VWA8: variants seen among roughly 807,000 people sequenced by gnomAD.
The protein encoded by VWA8 is von Willebrand factor A domain containing 8, also known as von Willebrand factor A domain-containing protein 8.
In VWA8, 221 loss-of-function variants were observed where a neutral mutation model predicts 241.5. That is an observed-to-expected ratio of 0.91 (90% CI 0.82 to 1.02). The LOEUF is 1.02. Among genes scored for constraint, VWA8 ranks in the 50% least tolerant of loss-of-function variants. The pLI, the probability that VWA8 is intolerant of heterozygous loss-of-function variation, is 0.00. For missense variants in VWA8, 2,322 were observed against 2,328.7 expected (o/e 1.00, Z 0.06); for synonymous variants, 852 against 827.1 (o/e 1.03, Z -0.52).
intron 14 of VWA8, among the ~76,000 whole-genome samples, chr13:41,824,733 G>C (rs531690420): frequency 6.6e-6 from 1 of 151,942 alleles, no homozygotes; most frequent in African/African-American, 2.4e-5. Context: ...CAAAAGGAAA[G>C]CTTGAGCCCA....
chr13:41,812,403 G>A (rs1398021969), intron 16 of VWA8, among the ~76,000 whole-genome samples: 4 of 152,080 alleles, frequency 2.6e-5, no homozygotes, highest in African/African-American at 9.7e-5. Flanking sequence ...TGAAGCAACT[G>A]GACCTTTGGG....
At chr13:41,875,989 G>A (rs1349050693) in intron 9 of VWA8, among the ~76,000 whole-genome samples, 2 of 151,944 alleles carry the variant, frequency 1.3e-5, no homozygotes, top group Non-Finnish European at 2.9e-5. Flanking sequence ...ACGTTTCTCA[G>A]TCCAAAAGCT....
chr13:41,937,766 A>T (rs1877418297), intron 2 of VWA8, among the ~76,000 whole-genome samples: 1 of 152,240 alleles, frequency 6.6e-6, no homozygotes, highest in African/African-American at 2.4e-5. Context: ...ATAACTGTAT[A>T]TACAGTTTTT....
intron 19 of VWA8, 116 bp from the exon 20 acceptor site, chr13:41,778,172 A>G: frequency 3.4e-6 from 2 of 586,894 alleles, no homozygotes; most frequent in Non-Finnish European, 5.0e-6. Flanking sequence ...ACAATTATCA[A>G]TCGATTTGAT....
intron 2 of VWA8, 89 bp from the exon 3 acceptor site, chr13:41,912,257 AT>A: frequency 2.1e-6 from 2 of 959,820 alleles, no homozygotes; most frequent in Admixed American, 3.3e-5. Flanking sequence ...TTATATATAT[AT>A]ATAACGTATA....
In VWA8 at chr13:41,777,997, CAAT is replaced by C. The variant is rs867123801; in HGVS notation, c.2334_2336del (p.Leu779del). On this transcript the variant is annotated inframe_deletion, in exon 20 of 45. Transcript: ENST00000379310. ...AGCCATAACTCACCTGGTTGCCAAC[CAAT>C]AATAAGTGTTCTCCAAGGAGAAAGT... 5.6e-6 allele frequency: 9 copies of C among 1,610,032 alleles called. No individual in the cohort carries two copies. The highest frequency in any genetic ancestry group is 2.2e-5 in the East Asian group (1 of 44,548).
intron 29 of VWA8, among the ~76,000 whole-genome samples, chr13:41,698,408 A>G (rs2045228463): frequency 6.6e-6 from 1 of 152,044 alleles, no homozygotes; most frequent in African/African-American, 2.4e-5. Context: ...GTCTTCTGAT[A>G]TATGTGTTTT....
intron 22 of VWA8, 121 bp from the exon 23 acceptor site, chr13:41,729,798 GACACACACACACACAC>G (rs59345894): frequency 4.7e-5 from 21 of 445,102 alleles, no homozygotes; most frequent in Non-Finnish European, 6.8e-5. Flanking sequence ...TATACACGTA[GACACACACACACACAC>G]ACACACACAC....
Position 41,811,270 on chromosome 13 carries a change from G to A in VWA8, c.2018C>T (p.Pro673Leu), listed in dbSNP as rs1472204558. ...LRISRRLSQYPNENLHSAVTK... is the reference protein window; with the variant it reads ...LRISRRLSQYLNENLHSAVTK... Reference sequence around the variant, plus strand: ...AACAGCACTGTGAAGATTTTCATTAGGATACTGTGACAGCCGACGAGAAAT... The same window carrying A: ...AACAGCACTGTGAAGATTTTCATTAAGATACTGTGACAGCCGACGAGAAAT... Residue 673 changes from proline (P) to leucine (L), a missense_variant, in exon 17 of 45, where the codon CCT becomes CTT. Physicochemically the swap from Pro to Leu is moderately conservative, Grantham distance 98. Transcript: ENST00000379310. 3 of 1,610,944 alleles carry A rather than the reference G, an allele frequency of 1.9e-6. No individual in the cohort carries two copies. The highest frequency in any genetic ancestry group is 2.5e-6 in the Non-Finnish European group (3 of 1,177,698).
At chr13:41,652,141 C>T (rs1227364770) in intron 37 of VWA8, among the ~76,000 whole-genome samples, 2 of 152,136 alleles carry the variant, frequency 1.3e-5, no homozygotes, top group African/African-American at 4.8e-5. Context: ...CACCTGAGAC[C>T]CTCCTGGCCT....
chr13:41,951,400 G>A (rs1023481062), intron 1 of VWA8, among the ~76,000 whole-genome samples: 1 of 152,174 alleles, frequency 6.6e-6, no homozygotes, highest in African/African-American at 2.4e-5. Context: ...CTGGGCAACG[G>A]TGCGACACTC....
At chr13:41,731,817 C>G (rs2045486146) in intron 22 of VWA8, among the ~76,000 whole-genome samples, 1 of 152,152 alleles carries the variant, frequency 6.6e-6, no homozygotes, top group Non-Finnish European at 1.5e-5. Flanking sequence ...AACCCCATTG[C>G]TTGGTTCTCA....
intron 37 of VWA8, among the ~76,000 whole-genome samples, chr13:41,647,881 C>T (rs1364436430): frequency 6.6e-6 from 1 of 152,036 alleles, no homozygotes; most frequent in African/African-American, 2.4e-5. Flanking sequence ...CCCAGCTACT[C>T]AGGAGGCTGA....
At chr13:41,814,858 C>G (rs1258008387) in intron 16 of VWA8, among the ~76,000 whole-genome samples, 2 of 151,660 alleles carry the variant, frequency 1.3e-5, no homozygotes, top group African/African-American at 4.8e-5. Flanking sequence ...CTACAGGGAA[C>G]AAAGAAAAAA....
chr13:41,897,113 G>A lies in VWA8; in HGVS notation c.484-5526C>T, dbSNP rs575596556. Among the ~76,000 whole-genome samples, 13 of 152,208 alleles carry A rather than the reference G, an allele frequency of 8.5e-5. No homozygotes were observed. In the South Asian group the frequency reaches 2.5e-3, roughly 29 times the overall value. On this transcript the variant is annotated intron_variant, in intron 4 of 44. Transcript: ENST00000379310. ...TTACCTGTGAAAAGGCCCACAATAT[G>A]TTGTTTACTCAAAAAGCTATAACTC...
intron 9 of VWA8, among the ~76,000 whole-genome samples, chr13:41,879,291 G>T (rs767422112): frequency 1.3e-5 from 2 of 151,468 alleles, no homozygotes; most frequent in South Asian, 4.2e-4. Flanking sequence ...TTTCCACATG[G>T]TTCTTAATAT....
intron 2 of VWA8, among the ~76,000 whole-genome samples, chr13:41,919,220 C>G (rs1283572819): frequency 1.3e-5 from 2 of 152,174 alleles, no homozygotes; most frequent in Non-Finnish European, 2.9e-5. Context: ...ATCTCAGCCC[C>G]TATTTGGGGA....
chr13:41,678,193 G>C (rs538878511), intron 35 of VWA8, among the ~76,000 whole-genome samples: 20 of 152,278 alleles, frequency 1.3e-4, no homozygotes, highest in African/African-American at 4.3e-4. Flanking sequence ...GCAGAGCTAG[G>C]CATGGGTTGT....
chr13:41,889,226 T>C (rs1593847456), intron 5 of VWA8, among the ~76,000 whole-genome samples: 1 of 152,190 alleles, frequency 6.6e-6, no homozygotes, highest in African/African-American at 2.4e-5. Context: ...AGGGATCTTA[T>C]CTATATGCTG....
Sources: allele counts gnomAD v4.1 joint callset (sites outside exome capture counted in the v4.1 genomes callset), GRCh38; gene constraint gnomAD v4.1.1; transcripts MANE v1.5; gene names NCBI Gene and HGNC (gene_info 2026-07-23, HGNC 2026-07-21).